BAHCC1: variants seen among roughly 807,000 people sequenced by gnomAD.
BAHCC1 encodes the protein BAH domain and coiled-coil containing 1, also known as BAH and coiled-coil domain-containing protein 1.
In BAHCC1, 43 loss-of-function variants were observed where a neutral mutation model predicts 88.2. The observed-to-expected ratio is 0.49, with a 90% CI of 0.38 to 0.63. BAHCC1 has a LOEUF of 0.63. Among genes scored for constraint, BAHCC1 ranks in the 20% least tolerant of loss-of-function variants. The probability of loss-of-function intolerance (pLI) is 0.00; values close to 1 mark genes in which losing one functional copy is unlikely to be tolerated. For synonymous variants in BAHCC1, 1,510 were observed against 745.5 expected, an observed-to-expected ratio of 2.03 and a Z score of -16.71; for missense variants, 3,023 against 1,654.8, an observed-to-expected ratio of 1.83 and a Z score of -14.34.
rs543939123 is a variant in BAHCC1 at position 81,408,074 on chromosome 17, C to A, written c.178+8157C>A. Among the ~76,000 whole-genome samples, 318 of 152,358 alleles carry A rather than the reference C, an allele frequency of 2.1e-3. 3 individuals carry two copies. The highest frequency in any genetic ancestry group is 7.3e-3 in the African/African-American group (303 of 41,568). Reference sequence around the variant, plus strand: ...TGGCTCAGCCTCCCTTCAGCGCCTTCCCCGGCCCCCTTCCTCCTGCTGCCC... The same window carrying A: ...TGGCTCAGCCTCCCTTCAGCGCCTTACCCGGCCCCCTTCCTCCTGCTGCCC... On this transcript the variant is annotated intron_variant, in intron 2 of 27. Coordinates refer to ENST00000675386, the MANE Select transcript of BAHCC1 (RefSeq NM_001377448.1).
Position 81,438,377 on chromosome 17 carries a change from G to A in BAHCC1, c.366G>A (p.Gly122=), listed in dbSNP as rs367771677. 5 of 778,572 alleles carry A rather than the reference G, an allele frequency of 6.4e-6. No homozygotes were observed. Among genetic ancestry groups the A allele is most frequent in the East Asian group, 2.4e-5 (1 of 41,254 alleles). The allele number at this position is 778,572 out of a possible 1,614,324, so 48.2% of individuals were successfully genotyped here. A position where few individuals can be genotyped will look rare whatever the true frequency, so the allele number is the denominator to read the frequency against. ...IWFSHSHEAP[G]YPRFSGSLAS... is the part of the protein sequence containing the mutation. Reference sequence around the variant, plus strand: ...GGTCTCTTGCTTCTCTAGCTCCGGGGTACCCCAGATTTTCGGGGAGTCTGG... The same window carrying A: ...GGTCTCTTGCTTCTCTAGCTCCGGGATACCCCAGATTTTCGGGGAGTCTGG... The change falls in exon 4 of 28, where the codon GGG becomes GGA. Residue 122 remains glycine, a synonymous_variant. Transcript: ENST00000675386.
At chr17:81,431,457 G>A (rs1227143906) in intron 3 of BAHCC1, among the ~76,000 whole-genome samples, 1 of 152,230 alleles carries the variant, frequency 6.6e-6, no homozygotes, top group African/African-American at 2.4e-5. Context: ...CCTGGCAGAG[G>A]GCTGTATGGA....
At position 81,444,035 on chromosome 17, in the gene BAHCC1, G is replaced by A. The variant is rs1432747847; in HGVS notation, c.2324+118G>A. The A allele has an allele frequency of 3.3e-4, 215 of 644,036 alleles. 1 individual carries two copies. Among genetic ancestry groups the A allele is most frequent in the East Asian group, 1.1e-4 (4 of 36,750 alleles). 39.9% of individuals were successfully genotyped at this position (644,036 alleles called of 1,614,324 possible). On this transcript the variant is annotated intron_variant, in intron 6 of 27. Coordinates refer to ENST00000675386, the MANE Select transcript of BAHCC1 (RefSeq NM_001377448.1). ...GGCTGGGGCAGCAGATTCTATGGCC[G>A]GCCGTGGGTGGGGTTCTCCCCACCC...
At chr17:81,425,859 G>C (rs1278527980) in intron 2 of BAHCC1, among the ~76,000 whole-genome samples, 1 of 147,254 alleles carries the variant, frequency 6.8e-6, no homozygotes, top group African/African-American at 2.5e-5. Flanking sequence ...GTGGTTGGTG[G>C]TGGTGGTGGG....
At chr17:81,457,308 T>C (rs535231840) in intron 16 of BAHCC1, 102 bp from the exon 17 acceptor site, 2 of 657,440 alleles carry the variant, frequency 3.0e-6, no homozygotes, top group South Asian at 1.7e-5. Flanking sequence ...CCAGCTCCAC[T>C]CACAGCCCCG....
At position 81,461,490 on chromosome 17, in the gene BAHCC1, G is replaced by A. The variant is rs1172921350; in HGVS notation, c.6827G>A (p.Gly2276Asp). 2.7e-6 allele frequency: 2 copies of A among 743,914 alleles called. No individual in the cohort carries two copies. The highest frequency in any genetic ancestry group is 2.5e-5 in the East Asian group (1 of 39,522). 46.1% of individuals were successfully genotyped at this position (743,914 alleles called of 1,614,324 possible). Residue 2276 changes from glycine to aspartate, a missense_variant, in exon 26 of 28, where the codon GGC becomes GAC. Gly to Asp is a moderately conservative substitution (Grantham distance 94, BLOSUM62 -1). Transcript: ENST00000675386. Reference sequence around the variant, plus strand: ...GGGCTGGCGCTGCGCAAGTACGCGGGCCAGGCAGAGTTCCCGCTGCCCTAC... The same window carrying A: ...GGGCTGGCGCTGCGCAAGTACGCGGACCAGGCAGAGTTCCCGCTGCCCTAC... ...PMGLALRKYAGQAEFPLPYDS... is the reference protein window; with the variant it reads ...PMGLALRKYADQAEFPLPYDS...
chr17:81,455,515 T>G (rs1433127439), intron 15 of BAHCC1, 125 bp downstream of exon 15: 6 of 614,972 alleles, frequency 9.8e-6, no homozygotes, highest in Non-Finnish European at 1.8e-5. Flanking sequence ...GAAGCAAGGC[T>G]GGGGAGCTCC....
chr17:81,431,415 C>T (rs1471640575), intron 3 of BAHCC1, among the ~76,000 whole-genome samples: 31 of 152,318 alleles, frequency 2.0e-4, no homozygotes, highest in African/African-American at 6.7e-4. Context: ...GGTTTCATCC[C>T]GTGGCCATGG....
chr17:81,427,192 T>C (rs1184735679), intron 3 of BAHCC1, among the ~76,000 whole-genome samples: 1 of 152,078 alleles, frequency 6.6e-6, no homozygotes, highest in African/African-American at 2.4e-5. Flanking sequence ...TGTTCGGCAG[T>C]GGTCCTGGCC....
chr17:81,460,916 G>A lies in BAHCC1; in HGVS notation c.6253G>A (p.Asp2085Asn), dbSNP rs201860353. 80 of 768,424 alleles carry A rather than the reference G, an allele frequency of 1.0e-4. 1 individual carries two copies. The highest frequency in any genetic ancestry group is 3.8e-4 in the South Asian group (28 of 74,612). The allele number at this position is 768,424 out of a possible 1,614,324, so 47.6% of individuals were successfully genotyped here. The part of the protein sequence containing the change: ...SGAKSPTGAS[D>N]HFLGRRGSPL... ...TGCCAAATCCCCCACGGGGGCCTCC[G>A]ACCACTTCCTGGGCCGCCGTGGCAG... Residue 2085 changes from aspartate to asparagine, a missense_variant, in exon 26 of 28, where the codon GAC becomes AAC. Coordinates refer to ENST00000675386, the MANE Select transcript of BAHCC1 (RefSeq NM_001377448.1).
chr17:81,411,464 C>A lies in BAHCC1; in HGVS notation c.178+11547C>A, dbSNP rs1050937706. 2.7e-6 allele frequency: 1 copy of A among 366,726 alleles called. No homozygotes were observed. Among genetic ancestry groups the A allele is most frequent in the South Asian group, 2.0e-5 (1 of 50,514 alleles). The allele number at this position is 366,726 out of a possible 1,614,324, so 22.7% of individuals were successfully genotyped here. The stretch of plus-strand genomic sequence containing the variant: ...GGAACAGGGTCCTTGAGGTCGTCAG[C>A]CAGCCCCACCCCTGCCTGCCTGCCT... On this transcript the variant is annotated intron_variant, in intron 2 of 27. Transcript: ENST00000675386. The surrounding 1 kb of genome is among the most constrained non-coding windows in gnomAD (Gnocchi z 6.2).
At chr17:81,414,627 A>G (rs1257513870) in intron 2 of BAHCC1, among the ~76,000 whole-genome samples, 1 of 152,186 alleles carries the variant, frequency 6.6e-6, no homozygotes, top group Non-Finnish European at 1.5e-5. Context: ...TAAGATGAAT[A>G]AGATGAACGT....
chr17:81,415,036 C>G (rs2064002049), intron 2 of BAHCC1, among the ~76,000 whole-genome samples: 1 of 152,050 alleles, frequency 6.6e-6, no homozygotes, highest in South Asian at 2.1e-4. Flanking sequence ...ACGTTTGCCC[C>G]CTGGTTCCCA....
In BAHCC1 at chr17:81,434,631, G is replaced by A. The variant is rs1261459126; in HGVS notation, c.359-3739G>A. The stretch of plus-strand genomic sequence containing the variant: ...GGTGATCTTGGTCCTTCTGCTGGCT[G>A]GCGTCCCTCCCTCCTAGACCTGGCC... On this transcript the variant is annotated intron_variant, in intron 3 of 27. Coordinates refer to ENST00000675386, the MANE Select transcript of BAHCC1 (RefSeq NM_001377448.1). The surrounding 1 kb of genome is among the most constrained non-coding windows in gnomAD (Gnocchi z 4.9). Among the ~76,000 whole-genome samples, 1 of 152,094 alleles carries A rather than the reference G, an allele frequency of 6.6e-6. No individual in the cohort carries two copies. The highest frequency in any genetic ancestry group is 1.5e-5 in the Non-Finnish European group (1 of 67,974).
intron 3 of BAHCC1, among the ~76,000 whole-genome samples, chr17:81,430,318 C>G (rs1260435788): frequency 6.6e-6 from 1 of 152,192 alleles, no homozygotes; most frequent in Non-Finnish European, 1.5e-5. Flanking sequence ...GCAGGGGCTG[C>G]TGAGATCCCC....
At chr17:81,427,865 G>A (rs984973714) in intron 3 of BAHCC1, among the ~76,000 whole-genome samples, 2 of 152,308 alleles carry the variant, frequency 1.3e-5, no homozygotes, top group East Asian at 3.9e-4. Context: ...GAGCGCCGCG[G>A]ACCCACACAC....
At chr17:81,421,733 G>C (rs570757102) in intron 2 of BAHCC1, among the ~76,000 whole-genome samples, 4 of 152,344 alleles carry the variant, frequency 2.6e-5, no homozygotes, top group South Asian at 2.1e-4. Flanking sequence ...CCGTCTCCGA[G>C]GTGCTGGCCT....
chr17:81,459,588 G>A lies in BAHCC1; in HGVS notation c.5889G>A (p.Pro1963=), dbSNP rs199959326. 1,158 of 779,668 alleles carry A rather than the reference G, an allele frequency of 1.5e-3. 3 individuals are homozygous for A. The highest frequency in any genetic ancestry group is 2.1e-3 in the Non-Finnish European group (863 of 417,904). 48.3% of individuals were successfully genotyped at this position (779,668 alleles called of 1,614,324 possible). The change falls in exon 23 of 28, where the codon CCG becomes CCA. Residue 1963 remains proline (P), a synonymous_variant. Coordinates refer to ENST00000675386, the MANE Select transcript of BAHCC1 (RefSeq NM_001377448.1). The part of the protein sequence containing the change: ...YWSQKSRCLY[P]GNVVRGASGD... ...GTCAGAAGTCTCGATGTCTGTACCCGGGCAACGTGGTCCGGGGTAAGTTGC... is the reference window on the plus strand; with the variant it reads ...GTCAGAAGTCTCGATGTCTGTACCCAGGCAACGTGGTCCGGGGTAAGTTGC...
rs868918060 is a variant in BAHCC1 at position 81,461,193 on chromosome 17, C to G, written c.6530C>G (p.Pro2177Arg). 1.4e-6 allele frequency: 1 copy of G among 737,382 alleles called. No homozygotes were observed. Among genetic ancestry groups the G allele is most frequent in the South Asian group, 1.4e-5 (1 of 70,458 alleles). 45.7% of individuals were successfully genotyped at this position (737,382 alleles called of 1,614,324 possible). The change falls in exon 26 of 28, where the codon CCC (proline) becomes CGC (arginine). Residue 2177 changes from proline (P) to arginine (R), a missense_variant. Pro to Arg is a moderately radical substitution (Grantham distance 103). Coordinates refer to ENST00000675386, the MANE Select transcript of BAHCC1 (RefSeq NM_001377448.1). ...PFVGGTGPGL[P>R]RGAHKLLRAK... ...GTCGGGGGGACCGGGCCGGGCCTCC[C>G]CAGGGGAGCCCACAAGCTGCTGCGG...
Sources: allele counts gnomAD v4.1 joint callset (sites outside exome capture counted in the v4.1 genomes callset), GRCh38; gene constraint gnomAD v4.1.1; non-coding constraint Gnocchi (gnomAD v3.1); transcripts MANE v1.5; gene names NCBI Gene and HGNC (gene_info 2026-07-23, HGNC 2026-07-21).